FLT1: variants seen among roughly 807,000 people sequenced by gnomAD.
FLT1 encodes the protein vascular endothelial growth factor receptor 1.
In FLT1, 49 loss-of-function variants were observed where a neutral mutation model predicts 156.3. The observed-to-expected ratio is 0.31, with a 90% CI of 0.25 to 0.40. FLT1 has a LOEUF of 0.40. Among genes scored for constraint, FLT1 ranks in the 10% least tolerant of loss-of-function variants. The pLI is 1.00. For synonymous variants in FLT1, 594 were observed against 583.8 expected (o/e 1.02, Z -0.25); for missense variants, 1,322 against 1,637.2 (o/e 0.81, Z 3.32).
intron 3 of FLT1, among the ~76,000 whole-genome samples, chr13:28,450,549 AAAG>A (rs1452948530): frequency 1.3e-5 from 2 of 152,004 alleles, no homozygotes; most frequent in African/African-American, 2.4e-5. Context: ...GAGAGGGAGA[AAAG>A]AAGGAAGGAG....
At chr13:28,484,652 G>C (rs1197665257) in intron 1 of FLT1, among the ~76,000 whole-genome samples, 1 of 152,154 alleles carries the variant, frequency 6.6e-6, no homozygotes, top group East Asian at 1.9e-4. Flanking sequence ...ATTCTTTGGA[G>C]ATGGCCAAAC....
Position 28,301,353 on chromosome 13 carries a change from T to C in FLT1, c.*1814A>G. ...GCCTGCTTTTGTTTGGATTTAGATCTTGGTGGAGAGGACTGTCCCACTCCT... is the reference window on the plus strand; with the variant it reads ...GCCTGCTTTTGTTTGGATTTAGATCCTGGTGGAGAGGACTGTCCCACTCCT... On this transcript the variant is annotated 3_prime_UTR_variant, in exon 30 of 30. Transcript: ENST00000282397. The C allele has an allele frequency of 4.3e-6, 1 of 233,116 alleles. No individual in the cohort carries two copies. The highest frequency in any genetic ancestry group is 8.5e-6 in the Non-Finnish European group (1 of 117,954). The allele number at this position is 233,116 out of a possible 1,614,324, so 14.4% of individuals were successfully genotyped here.
chr13:28,424,230 C>T (rs976631674), intron 10 of FLT1, among the ~76,000 whole-genome samples: 2 of 151,912 alleles, frequency 1.3e-5, no homozygotes, highest in African/African-American at 4.8e-5. Flanking sequence ...TGAGCCACTG[C>T]ACCTGGCCCC....
rs150371268 is a variant in FLT1, at chr13:28,394,069, G to A, written c.1660+2891C>T. Reference sequence around the variant, plus strand: ...TTTTTTCAAAAAATAAACATATGAGGTACAACATTCATGAGTCTTTACTCT... The same window carrying A: ...TTTTTTCAAAAAATAAACATATGAGATACAACATTCATGAGTCTTTACTCT... On this transcript the variant is annotated intron_variant, in intron 12 of 29. Transcript: ENST00000282397. Among the ~76,000 whole-genome samples the A allele has an allele frequency of 3.9e-5, 6 of 152,228 alleles. No homozygotes were observed. The East Asian group carries it at 1.2e-3, about 29-fold the overall frequency.
intron 25 of FLT1, among the ~76,000 whole-genome samples, chr13:28,315,970 C>T (rs1435431443): frequency 2.0e-5 from 3 of 152,188 alleles, no homozygotes; most frequent in Admixed American, 6.5e-5. Flanking sequence ...GCTGCCCTGA[C>T]CACCCCTCAA....
intron 10 of FLT1, among the ~76,000 whole-genome samples, chr13:28,412,943 C>G (rs1876400661): frequency 6.6e-6 from 1 of 152,020 alleles, no homozygotes; most frequent in South Asian, 2.1e-4. Context: ...AGTGTTTAGA[C>G]AGAATGGTTC....
chr13:28,361,906 T>G (rs749983994), intron 14 of FLT1, among the ~76,000 whole-genome samples: 43 of 152,178 alleles, frequency 2.8e-4, no homozygotes, highest in Non-Finnish European at 2.4e-4. Context: ...ATCACAAAGA[T>G]TTTTGAGCAT....
chr13:28,324,245 AC>A (rs1022426397), intron 20 of FLT1, among the ~76,000 whole-genome samples: 5 of 152,196 alleles, frequency 3.3e-5, no homozygotes, highest in African/African-American at 1.2e-4. Flanking sequence ...AGACAGCAAT[AC>A]TGAGGCAGAA....
chr13:28,388,494 A>G (rs1593734201), intron 13 of FLT1: 6 of 1,038,078 alleles, frequency 5.8e-6, no homozygotes, highest in South Asian at 4.6e-5. Flanking sequence ...ACATATAATG[A>G]TCAATCATAA....
intron 27 of FLT1, among the ~76,000 whole-genome samples, chr13:28,310,579 C>G (rs975996286): frequency 6.6e-6 from 1 of 152,214 alleles, no homozygotes; most frequent in Non-Finnish European, 1.5e-5. Flanking sequence ...GCCCAGGTTT[C>G]GTGCACGCCT....
At chr13:28,319,227 A>G (rs1435897871) in intron 24 of FLT1, among the ~76,000 whole-genome samples, 196 bp downstream of exon 24, 1 of 152,208 alleles carries the variant, frequency 6.6e-6, no homozygotes. Flanking sequence ...TCATGATCAT[A>G]TAAAGCCCTT....
At chr13:28,348,831 C>T (rs926784072) in intron 15 of FLT1, among the ~76,000 whole-genome samples, 10 of 152,042 alleles carry the variant, frequency 6.6e-5, no homozygotes, top group South Asian at 4.1e-4. Flanking sequence ...ATTGCTTGAA[C>T]GCGGGAGGCG....
At chr13:28,463,385 C>G (rs1474188890) in intron 3 of FLT1, among the ~76,000 whole-genome samples, 2 of 152,168 alleles carry the variant, frequency 1.3e-5, no homozygotes, top group African/African-American at 4.8e-5. Context: ...AGAGTTTGTT[C>G]ATAATTTACA....
chr13:28,389,079 T>C (rs1242052993), intron 13 of FLT1: 1 of 1,064,252 alleles, frequency 9.4e-7, no homozygotes, highest in African/African-American at 1.6e-5. Flanking sequence ...ATCTCTGAAT[T>C]ACACCAACAT....
intron 4 of FLT1, 116 bp from the exon 5 acceptor site, chr13:28,434,336 T>C (rs1297566329): frequency 8.8e-6 from 9 of 1,021,864 alleles, no homozygotes; most frequent in African/African-American, 6.5e-5. Flanking sequence ...AGTAAAACTT[T>C]GTAGTTTGCT....
At chr13:28,368,172 A>G (rs1873371116) in intron 14 of FLT1, 2 of 510,256 alleles carry the variant, frequency 3.9e-6, no homozygotes, top group African/African-American at 2.1e-5. Flanking sequence ...TTGTTTTTTG[A>G]GACGGAGTTT....
intron 1 of FLT1, among the ~76,000 whole-genome samples, chr13:28,484,547 A>T (rs1008863499): frequency 6.6e-6 from 1 of 152,168 alleles, no homozygotes; most frequent in African/African-American, 2.4e-5. Flanking sequence ...ACATGATTAA[A>T]ATTCTGTCTT....
chr13:28,372,566 GTATATATATATATATATATATATA>G (rs57608920), intron 14 of FLT1, among the ~76,000 whole-genome samples: 17 of 91,478 alleles, frequency 1.9e-4, no homozygotes, highest in Middle Eastern at 5.3e-3. Flanking sequence ...TAAATAAAAT[GTATATATATATATATATATATATA>G]TATATATATA....
In FLT1 at chr13:28,303,499, C is replaced by CA. The variant is rs943510077; in HGVS notation, c.3816-132_3816-131insT. ...AGAGTTCATGGTTTTGGAACCCCCC[C>CA]CCCCTCAATTGCTGTCAGATTTCCT... is the stretch of plus-strand genomic sequence containing the variant. On this transcript the variant is annotated intron_variant, in intron 29 of 29. Transcript: ENST00000282397. The CA allele has an allele frequency of 2.8e-5, 22 of 790,106 alleles. 1 individual carries two copies. The highest frequency in any genetic ancestry group is 7.0e-4 in the Middle Eastern group (2 of 2,874). The allele number at this position is 790,106 out of a possible 1,614,324, so 48.9% of individuals were successfully genotyped here.
Sources: gnomAD v4.1 joint callset for allele counts (sites outside exome capture counted in the v4.1 genomes callset) on GRCh38, gnomAD v4.1.1 for gene constraint, MANE v1.5 for transcripts, NCBI Gene and HGNC (gene_info 2026-07-23, HGNC 2026-07-21) for gene names.